Variants in FSTL5 observed in about 807,000 individuals in gnomAD.
FSTL5 encodes the protein follistatin-related protein 5.
A neutral mutation model predicts 89.1 loss-of-function variants in FSTL5; 62 were observed. The ratio of observed to expected loss-of-function variants is 0.70; its 90% CI spans 0.57 to 0.86. The LOEUF is 0.86. Ranked by LOEUF, FSTL5 falls within the 40% of genes least tolerant of loss-of-function variation. The pLI is 0.00. For synonymous variants in FSTL5, 383 were observed against 346.2 expected (o/e 1.11, Z -1.18); for missense variants, 1,057 against 1,001.6 (o/e 1.06, Z -0.75).
intron 2 of FSTL5, among the ~76,000 whole-genome samples, chr4:162,047,916 A>G (rs1738247790): frequency 6.6e-6 from 1 of 152,172 alleles, no homozygotes; most frequent in Non-Finnish European, 1.5e-5. Flanking sequence ...AGAATATTTG[A>G]CAGGATTTTC....
chr4:161,817,875 C>T (rs1329598821), intron 4 of FSTL5, among the ~76,000 whole-genome samples: 2 of 152,128 alleles, frequency 1.3e-5, no homozygotes, highest in Non-Finnish European at 1.5e-5. Context: ...AAGGGAAGAG[C>T]GTGGTCCCTT....
At chr4:161,901,810 C>A (rs1733372986) in intron 4 of FSTL5, among the ~76,000 whole-genome samples, 1 of 152,088 alleles carries the variant, frequency 6.6e-6, no homozygotes, top group Non-Finnish European at 1.5e-5. Context: ...TGGGGTGCGC[C>A]TGTAGTCCCA....
chr4:161,758,181 A>G (rs537524532), intron 6 of FSTL5, among the ~76,000 whole-genome samples: 80 of 152,266 alleles, frequency 5.3e-4, no homozygotes, highest in African/African-American at 1.8e-3. Flanking sequence ...GCAGTAAGAA[A>G]ATTATCTTTA....
intron 3 of FSTL5, among the ~76,000 whole-genome samples, chr4:161,943,888 A>G (rs981216037): frequency 2.6e-5 from 4 of 151,914 alleles, no homozygotes; most frequent in Admixed American, 1.3e-4. Context: ...CTCTGTAAAT[A>G]TATTATTTTC....
At chr4:161,626,225 AG>A (rs1171267341) in intron 7 of FSTL5, among the ~76,000 whole-genome samples, 8 of 152,160 alleles carry the variant, frequency 5.3e-5, no homozygotes, top group Non-Finnish European at 1.2e-4. Context: ...ACTTGTAGTT[AG>A]AGAGAAGACA....
At chr4:161,510,310 A>C in intron 11 of FSTL5, 88 bp downstream of exon 11, 1 of 794,578 alleles carries the variant, frequency 1.3e-6, no homozygotes, top group Non-Finnish European at 2.0e-6. Context: ...AATGAAAAAG[A>C]AGGTAATTAA....
chr4:162,108,737 A>T (rs1731324381), intron 2 of FSTL5, among the ~76,000 whole-genome samples: 1 of 151,526 alleles, frequency 6.6e-6, no homozygotes. Context: ...CTTTAGTTTG[A>T]TAAATAAAAA....
chr4:162,143,728 A>ACG, intron 1 of FSTL5, among the ~76,000 whole-genome samples: 1 of 131,304 alleles, frequency 7.6e-6, no homozygotes, highest in Non-Finnish European at 1.6e-5. Flanking sequence ...ACACACACAC[A>ACG]CACACACACA....
At chr4:161,766,733 C>T (rs1480351372) in intron 5 of FSTL5, among the ~76,000 whole-genome samples, 3 of 152,166 alleles carry the variant, frequency 2.0e-5, no homozygotes, top group African/African-American at 7.2e-5. Flanking sequence ...GCTAATTTTT[C>T]TCATATCTGT....
intron 15 of FSTL5, among the ~76,000 whole-genome samples, chr4:161,437,569 A>G (rs1443933994): frequency 3.8e-5 from 4 of 104,152 alleles, no homozygotes; most frequent in African/African-American, 1.2e-4. Flanking sequence ...CCGTCTCAAA[A>G]AAAAAAAAAA....
chr4:161,772,089 A>G (rs1165052486), intron 5 of FSTL5, among the ~76,000 whole-genome samples: 4 of 152,042 alleles, frequency 2.6e-5, no homozygotes, highest in Non-Finnish European at 5.9e-5. Flanking sequence ...TTTTTCTCAA[A>G]TAGACAGGCC....
rs557576004 is a variant in FSTL5, at chr4:161,400,669, A to G, written c.1842-14220T>C. On this transcript the variant is annotated intron_variant, in intron 15 of 15. Coordinates refer to ENST00000306100, the MANE Select transcript of FSTL5 (RefSeq NM_020116.5). The stretch of plus-strand genomic sequence containing the variant: ...AGAAAGGGCATAGTTACTAAATATT[A>G]CATATAGAAACATTGACAGTGTTAT... Among the ~76,000 whole-genome samples the G allele has an allele frequency of 9.2e-5, 14 of 152,262 alleles. No individual in the cohort carries two copies. The South Asian group carries it at 2.5e-3, about 27-fold the overall frequency.
At chr4:161,834,363 C>T (rs987520833) in intron 4 of FSTL5, among the ~76,000 whole-genome samples, 6 of 152,078 alleles carry the variant, frequency 3.9e-5, no homozygotes, top group Admixed American at 3.9e-4. Flanking sequence ...TGGGCAAAAA[C>T]TGGAAGCATT....
At chr4:161,829,087 G>A (rs536592643) in intron 4 of FSTL5, among the ~76,000 whole-genome samples, 2 of 146,404 alleles carry the variant, frequency 1.4e-5, no homozygotes, top group East Asian at 4.0e-4. Context: ...CTTGATAAAT[G>A]TAATTTTTTC....
intron 2 of FSTL5, among the ~76,000 whole-genome samples, chr4:162,104,185 T>C (rs1430163280): frequency 2.6e-5 from 4 of 152,172 alleles, no homozygotes; most frequent in Admixed American, 2.6e-4. Context: ...CACTCCCTAT[T>C]GGGCTAAAGG....
At chr4:162,057,888 G>C (rs1738598586) in intron 2 of FSTL5, among the ~76,000 whole-genome samples, 2 of 152,186 alleles carry the variant, frequency 1.3e-5, no homozygotes, top group South Asian at 4.2e-4. Flanking sequence ...AGGTTGCAGT[G>C]AGCCGAGATC....
chr4:161,450,626 T>C (rs1477291184), intron 15 of FSTL5, among the ~76,000 whole-genome samples: 1 of 152,190 alleles, frequency 6.6e-6, no homozygotes. Flanking sequence ...AAATTACACA[T>C]AGAATAATGA....
At chr4:161,589,940 T>A (rs1733750985) in intron 7 of FSTL5, among the ~76,000 whole-genome samples, 2 of 151,940 alleles carry the variant, frequency 1.3e-5, no homozygotes, top group South Asian at 4.1e-4. Flanking sequence ...GGAACACTCA[T>A]ACCGTAACAC....
chr4:161,787,140 G>A (rs1741933456), intron 4 of FSTL5, among the ~76,000 whole-genome samples: 1 of 152,008 alleles, frequency 6.6e-6, no homozygotes, highest in African/African-American at 2.4e-5. Context: ...AGTTTCTAAT[G>A]TTGATATTCA....
Sources: allele counts gnomAD v4.1 joint callset (sites outside exome capture counted in the v4.1 genomes callset), GRCh38; gene constraint gnomAD v4.1.1; transcripts MANE v1.5; gene names NCBI Gene and HGNC (gene_info 2026-07-23, HGNC 2026-07-21).